Variants in PCED1B observed in about 807,000 individuals in gnomAD.
PCED1B encodes PC-esterase domain containing 1B.
For synonymous variants in PCED1B, 251 were observed against 246.1 expected, an observed-to-expected ratio of 1.02 and a Z score of -0.19; for missense variants, 573 against 573.9, an observed-to-expected ratio of 1.00 and a Z score of 0.02.
intron 2 of PCED1B, among the ~76,000 whole-genome samples, chr12:47,134,286 A>T (rs1940253644): frequency 6.6e-6 from 1 of 152,216 alleles, no homozygotes; most frequent in Admixed American, 6.5e-5. Context: ...TTGTAGATAT[A>T]GTTGTGTGTT....
chr12:47,193,646 G>A (rs1464990122), intron 2 of PCED1B, among the ~76,000 whole-genome samples: 1 of 152,152 alleles, frequency 6.6e-6, no homozygotes, highest in Non-Finnish European at 1.5e-5. Flanking sequence ...ACTCAGCCCT[G>A]AGTAGCTTCA....
chr12:47,234,618 G>C (rs1448980851), intron 3 of PCED1B, among the ~76,000 whole-genome samples: 1 of 152,060 alleles, frequency 6.6e-6, no homozygotes, highest in African/African-American at 2.4e-5. Flanking sequence ...GTGGCATAGC[G>C]CTAACCAAAT....
chr12:47,185,616 C>G (rs1844407821), intron 2 of PCED1B, among the ~76,000 whole-genome samples: 1 of 151,792 alleles, frequency 6.6e-6, no homozygotes, highest in African/African-American at 2.4e-5. Context: ...TGTTGAAACC[C>G]CATCTCTACT....
chr12:47,197,145 A>G (rs926254857), intron 2 of PCED1B, among the ~76,000 whole-genome samples: 4 of 146,184 alleles, frequency 2.7e-5, no homozygotes, highest in African/African-American at 1.0e-4. Context: ...AGGTTGAGGC[A>G]GGAGAATCAC....
chr12:47,149,831 A>G (rs1940925129), intron 2 of PCED1B, among the ~76,000 whole-genome samples: 1 of 152,240 alleles, frequency 6.6e-6, no homozygotes, highest in Non-Finnish European at 1.5e-5. Flanking sequence ...CTGTACTCAC[A>G]CAGTTACAGT....
chr12:47,149,225 TCTA>T, intron 2 of PCED1B, among the ~76,000 whole-genome samples: 1 of 152,358 alleles, frequency 6.6e-6, no homozygotes, highest in South Asian at 2.1e-4. Flanking sequence ...TTCCAAATAC[TCTA>T]ACCCAGAGCT....
chr12:47,174,416 A>C (rs1435673007), intron 2 of PCED1B, among the ~76,000 whole-genome samples: 3 of 150,942 alleles, frequency 2.0e-5, no homozygotes, highest in East Asian at 1.9e-4. Flanking sequence ...CCAAAAAAAA[A>C]AAACAAACAA....
rs532176789 is a variant in PCED1B, at chr12:47,192,610, G to A, written c.-525-23612G>A. 3.3e-5 allele frequency among the ~76,000 whole-genome samples: 5 copies of A among 152,310 alleles called. No homozygotes were observed. In the East Asian group the frequency reaches 9.6e-4, roughly 29 times the overall value. ...TCCTTTCATTTTAGAGAATAAAAGT[G>A]GCAGCCTGGATCCTGGTCCAGTCTC... On this transcript the variant is annotated intron_variant, in intron 2 of 3. Coordinates refer to ENST00000546455, the MANE Select transcript of PCED1B (RefSeq NM_138371.3).
chr12:47,094,873 A>T (rs1171196246), intron 1 of PCED1B, among the ~76,000 whole-genome samples: 3 of 150,286 alleles, frequency 2.0e-5, no homozygotes, highest in Admixed American at 6.6e-5. Context: ...TTCTGTCTGG[A>T]ATTCTCTTTT....
intron 2 of PCED1B, among the ~76,000 whole-genome samples, chr12:47,171,968 T>A (rs1023947465): frequency 5.3e-5 from 8 of 152,158 alleles, no homozygotes; most frequent in African/African-American, 1.7e-4. Context: ...ATTTGCATAG[T>A]TGATCTTTCT....
intron 2 of PCED1B, among the ~76,000 whole-genome samples, chr12:47,199,706 C>G (rs999068993): frequency 6.6e-6 from 1 of 152,138 alleles, no homozygotes; most frequent in African/African-American, 2.4e-5. Context: ...GACTTTGCAC[C>G]TTTCACAAAA....
intron 2 of PCED1B, among the ~76,000 whole-genome samples, chr12:47,193,032 G>C (rs1017119449): frequency 1.3e-5 from 2 of 152,116 alleles, no homozygotes; most frequent in Non-Finnish European, 2.9e-5. Context: ...TATGCACACA[G>C]ATATTTTAGC....
chr12:47,218,238 C>T lies in PCED1B; in HGVS notation c.-58+1549C>T, dbSNP rs142012418. 8.6e-3 allele frequency among the ~76,000 whole-genome samples: 1,311 copies of T among 152,336 alleles called. 11 individuals carry two copies. The highest frequency in any genetic ancestry group is 0.012 in the Non-Finnish European group (822 of 68,022). On this transcript the variant is annotated intron_variant, in intron 3 of 3. Coordinates refer to ENST00000546455, the MANE Select transcript of PCED1B (RefSeq NM_138371.3). ...AAAACCCCTAGGTCCGTTGTTGGCACTGAAGTGGGGAAAACCATGGCCTGG... is the reference window on the plus strand; with the variant it reads ...AAAACCCCTAGGTCCGTTGTTGGCATTGAAGTGGGGAAAACCATGGCCTGG...
chr12:47,206,425 T>C (rs1592282610), intron 2 of PCED1B: 1 of 152,194 alleles, frequency 6.6e-6, no homozygotes, highest in Non-Finnish European at 1.5e-5. Context: ...ATAGCTAGCG[T>C]TGGTTAAGTT....
chr12:47,189,822 C>T lies in PCED1B; in HGVS notation c.-525-26400C>T, dbSNP rs569629193. ...CGCATTTTCACCTCATCTAACCCTA[C>T]TAACAAAATGCATATCCTTGAAACT... On this transcript the variant is annotated intron_variant, in intron 2 of 3. Transcript: ENST00000546455. Among the ~76,000 whole-genome samples, 4 of 152,362 alleles carry T rather than the reference C, an allele frequency of 2.6e-5. No individual in the cohort carries two copies. The South Asian group carries it at 8.3e-4, about 32-fold the overall frequency.
At chr12:47,160,293 C>CTTTTTTTT (rs59856338) in intron 2 of PCED1B, among the ~76,000 whole-genome samples, 141 of 69,186 alleles carry the variant, frequency 2.0e-3, no homozygotes, top group African/African-American at 2.5e-3. Context: ...TTTTCTTTTT[C>CTTTTTTTT]TTTTTTTTTT....
intron 3 of PCED1B, among the ~76,000 whole-genome samples, chr12:47,218,802 G>A (rs1208114022): frequency 6.6e-6 from 1 of 151,248 alleles, no homozygotes; most frequent in Admixed American, 6.6e-5. Context: ...CACTCTACCT[G>A]GCTGAGACTT....
At chr12:47,178,103 T>G (rs1405272626) in intron 2 of PCED1B, among the ~76,000 whole-genome samples, 1 of 152,162 alleles carries the variant, frequency 6.6e-6, no homozygotes, top group African/African-American at 2.4e-5. Flanking sequence ...AGGGCCCACA[T>G]GACCAAGAGT....
At chr12:47,138,902 G>A (rs1940487403) in intron 2 of PCED1B, among the ~76,000 whole-genome samples, 1 of 152,142 alleles carries the variant, frequency 6.6e-6, no homozygotes, top group East Asian at 1.9e-4. Context: ...ATGTCCTTGT[G>A]CCTTTGGGAT....
Sources: allele counts gnomAD v4.1 joint callset (sites outside exome capture counted in the v4.1 genomes callset), GRCh38; gene constraint gnomAD v4.1.1; transcripts MANE v1.5; gene names NCBI Gene and HGNC (gene_info 2026-07-23, HGNC 2026-07-21).